The following ARGFX variants were observed in gnomAD, a reference collection of about 807,000 sequenced individuals.
The protein encoded by ARGFX is arginine-fifty homeobox.
ARGFX carries 10 observed loss-of-function variants against 8.0 expected under a neutral mutation model. The observed-to-expected ratio is 1.25, with a 90% confidence interval of 0.77 to 2.12. The LOEUF (loss-of-function observed/expected upper bound fraction) is 2.12, where lower values mean the gene tolerates loss of function less well. Among genes scored for constraint, ARGFX ranks in the 30% most tolerant of loss-of-function variants. The probability of loss-of-function intolerance (pLI) is 0.00; values close to 1 mark genes in which losing one functional copy is unlikely to be tolerated. For synonymous variants in ARGFX, 116 were observed against 117.8 expected, an observed-to-expected ratio of 0.98 and a Z score of 0.10; for missense variants, 282 against 324.3, an observed-to-expected ratio of 0.87 and a Z score of 1.00.
chr3:121,574,625 A>C (rs1239067101), intron 2 of ARGFX, among the ~76,000 whole-genome samples: 2 of 152,208 alleles, frequency 1.3e-5, no homozygotes, highest in African/African-American at 4.8e-5. Flanking sequence ...AATGTGAGCT[A>C]TGGGGAGCGA....
intron 3 of ARGFX, among the ~76,000 whole-genome samples, chr3:121,584,076 G>A (rs1415322442): frequency 2.0e-5 from 3 of 152,072 alleles, no homozygotes; most frequent in Admixed American, 6.6e-5. Flanking sequence ...CTACTCAGGA[G>A]GATGAAGCCA....
At chr3:121,584,891 A>C in intron 3 of ARGFX, 26 bp from the exon 4 acceptor site, 1 of 1,597,222 alleles carries the variant, frequency 6.3e-7, no homozygotes, top group Non-Finnish European at 8.5e-7. Context: ...AAATGTAACC[A>C]CCCCTTCTTT....
intron 3 of ARGFX, among the ~76,000 whole-genome samples, chr3:121,583,374 C>T (rs1397696644): frequency 1.3e-5 from 2 of 151,840 alleles, no homozygotes; most frequent in Non-Finnish European, 2.9e-5. Flanking sequence ...TTTCCATTGC[C>T]ATTAAAAAAC....
intron 1 of ARGFX, among the ~76,000 whole-genome samples, chr3:121,570,293 G>A (rs1326552474): frequency 2.0e-5 from 3 of 152,168 alleles, no homozygotes; most frequent in African/African-American, 7.2e-5. Flanking sequence ...TGGGAGTGAT[G>A]GCAAGTGGTG....
At chr3:121,576,744 T>G in intron 2 of ARGFX, 40 bp from the exon 3 acceptor site, 1 of 384,260 alleles carries the variant, frequency 2.6e-6, no homozygotes, top group Non-Finnish European at 5.0e-6. Flanking sequence ...TCTTTCTTTC[T>G]TTTTCTCTTT....
chr3:121,579,219 A>G (rs2048762882), intron 3 of ARGFX, among the ~76,000 whole-genome samples: 1 of 152,148 alleles, frequency 6.6e-6, no homozygotes, highest in Non-Finnish European at 1.5e-5. Flanking sequence ...TGTTTCCTTG[A>G]CTTAATCTTC....
intron 3 of ARGFX, among the ~76,000 whole-genome samples, chr3:121,580,606 A>ATAT (rs1227697987): frequency 5.2e-5 from 6 of 115,194 alleles, no homozygotes; most frequent in Admixed American, 1.1e-4. Context: ...ATATATATAT[A>ATAT]TTTTTTTTTT....
intron 1 of ARGFX, among the ~76,000 whole-genome samples, chr3:121,569,661 C>T (rs6765072): frequency 0.24 from 36,104 of 152,056 alleles, 4,990 homozygotes; most frequent in Admixed American, 0.41. Context: ...CCACCATGCC[C>T]GTCCTGCAAT....
At chr3:121,578,120 C>CTT (rs35072728) in intron 3 of ARGFX, among the ~76,000 whole-genome samples, 2,430 of 112,856 alleles carry the variant, frequency 0.022, 131 homozygotes, top group African/African-American at 0.08. Context: ...CCCTACCCCA[C>CTT]TTTTTTTTTT....
At chr3:121,573,385 G>A in intron 2 of ARGFX, among the ~76,000 whole-genome samples, 1 of 151,998 alleles carries the variant, frequency 6.6e-6, no homozygotes, top group Non-Finnish European at 1.5e-5. Context: ...GGAGGCTGCG[G>A]TGGGAGAATC....
At chr3:121,575,251 C>A (rs1330665591) in intron 2 of ARGFX, among the ~76,000 whole-genome samples, 1 of 149,206 alleles carries the variant, frequency 6.7e-6, no homozygotes, top group African/African-American at 2.5e-5. Flanking sequence ...ACCTGGGAGA[C>A]AGAGATTGCA....
rs1414985631 is a variant in ARGFX at position 121,587,803 on chromosome 3, C to T, written c.*1203C>T. On this transcript the variant is annotated 3_prime_UTR_variant, in exon 5 of 5. Transcript: ENST00000334384. Reference sequence around the variant, plus strand: ...CCTTCTGAGTAGCTGAGACTACAGACATGCGCCACCATGTCTGGCTAATTT... The same window carrying T: ...CCTTCTGAGTAGCTGAGACTACAGATATGCGCCACCATGTCTGGCTAATTT... Among the ~76,000 whole-genome samples, 2 of 152,034 alleles carry T rather than the reference C, an allele frequency of 1.3e-5. No individual in the cohort carries two copies. The highest frequency in any genetic ancestry group is 2.1e-4 in the South Asian group (1 of 4,820).
intron 2 of ARGFX, among the ~76,000 whole-genome samples, chr3:121,575,565 C>T (rs921412465): frequency 1.3e-5 from 2 of 152,016 alleles, no homozygotes; most frequent in Admixed American, 6.6e-5. Context: ...GCATGCACGG[C>T]CTCTTGAGTG....
At position 121,587,708 on chromosome 3, in the gene ARGFX, G is replaced by C. The variant is rs2048820497; in HGVS notation, c.*1108G>C. Among the ~76,000 whole-genome samples the C allele has an allele frequency of 6.6e-6, 1 of 152,090 alleles. No homozygotes were observed. The highest frequency in any genetic ancestry group is 1.5e-5 in the Non-Finnish European group (1 of 68,014). On this transcript the variant is annotated 3_prime_UTR_variant, in exon 5 of 5. Coordinates refer to ENST00000334384, the MANE Select transcript of ARGFX (RefSeq NM_001012659.2). ...AGACAGCACTCTGTCACCCAGGCTG[G>C]AGTGCAGTGGCACCATCTTGGCTCA...
At chr3:121,585,331 T>C (rs902973191) in intron 4 of ARGFX, among the ~76,000 whole-genome samples, 1 of 152,180 alleles carries the variant, frequency 6.6e-6, no homozygotes, top group Non-Finnish European at 1.5e-5. Context: ...CCAGAAATCT[T>C]ATTTTTAATA....
intron 3 of ARGFX, among the ~76,000 whole-genome samples, chr3:121,582,475 T>C (rs2048785436): frequency 6.6e-6 from 1 of 152,202 alleles, no homozygotes; most frequent in Non-Finnish European, 1.5e-5. Context: ...TATATTGGAT[T>C]TCACATATAT....
chr3:121,570,380 T>C (rs1342042216), intron 1 of ARGFX, among the ~76,000 whole-genome samples: 2 of 152,234 alleles, frequency 1.3e-5, no homozygotes, highest in African/African-American at 4.8e-5. Context: ...TGATGAGAAA[T>C]CTGTGGTCAT....
rs1227697987 is a variant in ARGFX, at chr3:121,580,606, A to ATATATTT, written c.220+3707_220+3708insATATTTT. 4.8e-3 allele frequency among the ~76,000 whole-genome samples: 550 copies of ATATATTT among 115,188 alleles called. 8 individuals carry two copies. The highest frequency in any genetic ancestry group is 0.017 in the African/African-American group (525 of 31,398). The allele number at this position is 115,188 out of a possible 152,430, so 75.6% of individuals were successfully genotyped here. A position where few individuals can be genotyped will look rare whatever the true frequency, so the allele number is the denominator to read the frequency against. Reference sequence around the variant, plus strand: ...TGTGTGTGTGTGTGTATATATATATATTTTTTTTTTTTTTTTGAGATGAAG... The same window carrying ATATATTT: ...TGTGTGTGTGTGTGTATATATATATATATATTTTTTTTTTTTTTTTTTTGAGATGAAG... On this transcript the variant is annotated intron_variant, in intron 3 of 4. Transcript: ENST00000334384.
Position 121,584,865 on chromosome 3 carries a change from G to A in ARGFX, c.221-52G>A. ...TGGTTTTTGTTTTTTTGGTTGGGGGGAGAGATTGGTAATGTAAATGTAACC... is the reference window on the plus strand; with the variant it reads ...TGGTTTTTGTTTTTTTGGTTGGGGGAAGAGATTGGTAATGTAAATGTAACC... On this transcript the variant is annotated intron_variant, in intron 3 of 4. Coordinates refer to ENST00000334384, the MANE Select transcript of ARGFX (RefSeq NM_001012659.2). The A allele has an allele frequency of 5.1e-6, 8 of 1,566,950 alleles. No homozygotes were observed. The South Asian group carries it at 7.1e-5, about 14-fold the overall frequency.
Sources: gnomAD v4.1 joint callset for allele counts (sites outside exome capture counted in the v4.1 genomes callset) on GRCh38, gnomAD v4.1.1 for gene constraint, MANE v1.5 for transcripts, NCBI Gene and HGNC (gene_info 2026-07-23, HGNC 2026-07-21) for gene names.